RAB40C: variants seen among roughly 807,000 people sequenced by gnomAD.
The protein encoded by RAB40C is ras-related protein Rab-40C.
RAB40C carries 8 observed loss-of-function variants against 28.1 expected under a neutral mutation model. The observed-to-expected ratio is 0.28, with a 90% CI of 0.17 to 0.51. The LOEUF (loss-of-function observed/expected upper bound fraction) is 0.51. Ranked by LOEUF, RAB40C falls within the 20% of genes least tolerant of loss-of-function variation. The probability of loss-of-function intolerance (pLI) is 0.97; values close to 1 mark genes in which losing one functional copy is unlikely to be tolerated. For synonymous variants in RAB40C, 201 were observed against 171.7 expected (o/e 1.17, Z -1.34); for missense variants, 288 against 405.9 (o/e 0.71, Z 2.50).
chr16:617,767 C>T (rs369620762), intron 2 of RAB40C, among the ~76,000 whole-genome samples: 10 of 152,050 alleles, frequency 6.6e-5, no homozygotes, highest in Admixed American at 4.6e-4. Context: ...CACTTGAACC[C>T]GGGAGGCAGA....
At chr16:627,176 G>A (rs898338511) in intron 5 of RAB40C, among the ~76,000 whole-genome samples, 166 bp from the exon 6 acceptor site, 2 of 152,222 alleles carry the variant, frequency 1.3e-5, no homozygotes, top group Non-Finnish European at 2.9e-5. Flanking sequence ...GGACACATCT[G>A]TGCTGGGCAG....
At chr16:591,506 C>T (rs1179858478) in intron 1 of RAB40C, among the ~76,000 whole-genome samples, 1 of 152,170 alleles carries the variant, frequency 6.6e-6, no homozygotes, top group Non-Finnish European at 1.5e-5. Context: ...TTGCTTACTG[C>T]TGAGGGAGTC....
intron 2 of RAB40C, 90 bp from the exon 3 acceptor site, chr16:618,110 G>C: frequency 1.5e-6 from 2 of 1,297,808 alleles, no homozygotes; most frequent in Non-Finnish European, 2.2e-6. Context: ...GCTCCCCTCA[G>C]GACATCCAGG....
chr16:626,515 C>G (rs1418973719), intron 5 of RAB40C, among the ~76,000 whole-genome samples: 1 of 152,184 alleles, frequency 6.6e-6, no homozygotes, highest in African/African-American at 2.4e-5. Flanking sequence ...CCTGGGTAGC[C>G]ACATCCTTGA....
At chr16:624,949 G>C (rs2036796200) in intron 3 of RAB40C, 2 of 1,289,026 alleles carry the variant, frequency 1.6e-6, no homozygotes, top group Non-Finnish European at 2.0e-6. Flanking sequence ...CTGCCTGGCT[G>C]GGGGAGCTTC....
upstream of RAB40C, chr16:589,630 C>A (rs879940538): frequency 6.6e-6 from 1 of 152,268 alleles, no homozygotes; most frequent in Non-Finnish European, 1.5e-5. Context: ...GCGAGGACAA[C>A]GGCGTTGTGG....
chr16:606,831 T>C (rs972075253), intron 1 of RAB40C, among the ~76,000 whole-genome samples: 3 of 152,200 alleles, frequency 2.0e-5, no homozygotes, highest in Admixed American at 1.3e-4. Flanking sequence ...TAAGGACTTA[T>C]GTAGTTAATT....
rs1426347761 is a variant in RAB40C at position 625,221 on chromosome 16, C to T, written c.265-211C>T. ...TTCTGACACCATGGAAGGCGCCCAC[C>T]CCCCTGCTGCAGTCCTGCCAGGTGA... On this transcript the variant is annotated intron_variant, in intron 3 of 5. Coordinates refer to ENST00000248139, the MANE Select transcript of RAB40C (RefSeq NM_021168.5). 4.2e-6 allele frequency: 6 copies of T among 1,434,232 alleles called. No homozygotes were observed. In the East Asian group the frequency reaches 1.7e-4, roughly 40 times the overall value. 88.8% of individuals were successfully genotyped at this position (1,434,232 alleles called of 1,614,324 possible).
At chr16:596,144 G>A (rs1273143051) in intron 1 of RAB40C, among the ~76,000 whole-genome samples, 1 of 152,240 alleles carries the variant, frequency 6.6e-6, no homozygotes, top group East Asian at 1.9e-4. Flanking sequence ...TCGCAGGGTG[G>A]TGTGGACACA....
At chr16:620,221 C>T (rs1476597266) in intron 3 of RAB40C, among the ~76,000 whole-genome samples, 1 of 152,176 alleles carries the variant, frequency 6.6e-6, no homozygotes, top group East Asian at 1.9e-4. Context: ...GGTGAAACCC[C>T]ATCTCTACGA....
At chr16:625,249 G>A in intron 3 of RAB40C, 183 bp from the exon 4 acceptor site, 1 of 1,449,788 alleles carries the variant, frequency 6.9e-7, no homozygotes. Context: ...CCAGGTGAGG[G>A]CAGGGGTGAG....
At chr16:606,527 TG>T (rs1430847431) in intron 1 of RAB40C, among the ~76,000 whole-genome samples, 1 of 151,904 alleles carries the variant, frequency 6.6e-6, no homozygotes, top group Non-Finnish European at 1.5e-5. Flanking sequence ...CAGTCCAGTG[TG>T]GGTTTCCCTG....
chr16:625,895 C>G lies in RAB40C; in HGVS notation c.343-4C>G. On this transcript the variant is annotated splice_polypyrimidine_tract_variant and splice_region_variant and intron_variant, in intron 4 of 5. Coordinates refer to ENST00000248139, the MANE Select transcript of RAB40C (RefSeq NM_021168.5). The stretch of plus-strand genomic sequence containing the variant: ...TGTGCGTCTGCTGAGTTCTGTGCCC[C>G]CAGCATGCACCCGGAGTCCCCCGGA... 3 of 1,610,536 alleles carry G rather than the reference C, an allele frequency of 1.9e-6. No homozygotes were observed. The highest frequency in any genetic ancestry group is 2.5e-6 in the Non-Finnish European group (3 of 1,178,508).
At chr16:627,045 C>G (rs1416355130) in intron 5 of RAB40C, among the ~76,000 whole-genome samples, 1 of 152,254 alleles carries the variant, frequency 6.6e-6, no homozygotes, top group African/African-American at 2.4e-5. Context: ...TCACGCAGCC[C>G]TCACACTGGG....
intron 1 of RAB40C, among the ~76,000 whole-genome samples, chr16:594,690 G>T (rs939139572): frequency 2.0e-5 from 3 of 152,098 alleles, no homozygotes; most frequent in African/African-American, 7.2e-5. Flanking sequence ...TTCTAGCTGT[G>T]TGTCTTTAGG....
rs1229962679 is a variant in RAB40C at position 610,401 on chromosome 16, G to C, written c.143-6807G>C. On this transcript the variant is annotated intron_variant, in intron 1 of 5. Transcript: ENST00000248139. The surrounding 1 kb of genome is among the most constrained non-coding windows in gnomAD (Gnocchi z 4.6). The stretch of plus-strand genomic sequence containing the variant: ...GCAAGGCCTGTGGCACCCAGCAGAT[G>C]AGGAGGAGAGCAGGGGGAAGGGTGG... Among the ~76,000 whole-genome samples, 1 of 152,128 alleles carries C rather than the reference G, an allele frequency of 6.6e-6. No individual in the cohort carries two copies. The highest frequency in any genetic ancestry group is 2.4e-5 in the African/African-American group (1 of 41,410).
intron 1 of RAB40C, among the ~76,000 whole-genome samples, chr16:593,742 G>A (rs557452003): frequency 1.3e-5 from 2 of 152,352 alleles, no homozygotes; most frequent in Non-Finnish European, 2.9e-5. Flanking sequence ...GAGCTCTTCC[G>A]TGTCTCCTAA....
intron 4 of RAB40C, 154 bp from the exon 5 acceptor site, chr16:625,745 T>G: frequency 1.1e-6 from 1 of 875,098 alleles, no homozygotes. Context: ...CTGTAGGGCC[T>G]GAGCCCTGGG....
rs1405126818 is a variant in RAB40C, at chr16:627,987, C to T, written c.*365C>T. 4.6e-6 allele frequency: 1 copy of T among 215,974 alleles called. No homozygotes were observed. 13.4% of individuals were successfully genotyped at this position (215,974 alleles called of 1,614,324 possible). A position where few individuals can be genotyped will look rare whatever the true frequency, so the allele number is the denominator to read the frequency against. ...GCCTTCAGGGAAGCCTGGGTGTGGC[C>T]CGGTGGTGGTGCACTGGTGACTTCA... is the stretch of plus-strand genomic sequence containing the variant. On this transcript the variant is annotated 3_prime_UTR_variant, in exon 6 of 6. Transcript: ENST00000248139.
Sources: allele counts gnomAD v4.1 joint callset (sites outside exome capture counted in the v4.1 genomes callset), GRCh38; gene constraint gnomAD v4.1.1; non-coding constraint Gnocchi (gnomAD v3.1); transcripts MANE v1.5; gene names NCBI Gene and HGNC (gene_info 2026-07-23, HGNC 2026-07-21).